The following PCDH15 variants were observed in gnomAD, a reference collection of about 807,000 sequenced individuals.
PCDH15 encodes protocadherin-15.
PCDH15 carries 129 observed loss-of-function variants against 178.5 expected under a neutral mutation model. The ratio of observed to expected loss-of-function variants is 0.72; its 90% confidence interval spans 0.63 to 0.84. The LOEUF (loss-of-function observed/expected upper bound fraction) is 0.84. Among genes scored for constraint, PCDH15 ranks in the 40% least tolerant of loss-of-function variants. The pLI is 0.00. For missense variants in PCDH15, 2,230 were observed against 2,099.9 expected (o/e 1.06, Z -1.21); for synonymous variants, 800 against 732.0 (o/e 1.09, Z -1.50).
chr10:54,554,214 C>T (rs945319864), intron 2 of PCDH15, among the ~76,000 whole-genome samples: 1 of 152,102 alleles, frequency 6.6e-6, no homozygotes, highest in South Asian at 2.1e-4. Flanking sequence ...CCCCTTACCT[C>T]CTGGATTACA....
At chr10:54,653,093 T>A (rs550285350) in intron 2 of PCDH15, among the ~76,000 whole-genome samples, 6 of 152,070 alleles carry the variant, frequency 3.9e-5, no homozygotes, top group Non-Finnish European at 8.8e-5. Flanking sequence ...ATGAGAGAGG[T>A]AGTACCATTT....
intron 2 of PCDH15, among the ~76,000 whole-genome samples, chr10:55,148,389 A>G (rs543688336): frequency 6.6e-6 from 1 of 151,938 alleles, no homozygotes; most frequent in Non-Finnish European, 1.5e-5. Context: ...ATTAAAGCTC[A>G]TTGACAAATT....
chr10:54,818,711 C>T (rs771291146), intron 3 of PCDH15, among the ~76,000 whole-genome samples: 2 of 151,896 alleles, frequency 1.3e-5, no homozygotes, highest in African/African-American at 2.4e-5. Context: ...ACCCCCTCCC[C>T]GAGTGTTTTT....
At chr10:55,359,139 G>T (rs1462987201) in intron 2 of PCDH15, among the ~76,000 whole-genome samples, 1 of 151,946 alleles carries the variant, frequency 6.6e-6, no homozygotes, top group Admixed American at 6.6e-5. Flanking sequence ...CTAAGCTGCT[G>T]TGAGTTAGGG....
intron 2 of PCDH15, chr10:54,599,760 G>A (rs2092437968): frequency 2.0e-6 from 1 of 501,372 alleles, no homozygotes; most frequent in Non-Finnish European, 3.7e-6. Context: ...TAAAAGATGA[G>A]GGTGATAAGT....
chr10:55,297,424 T>C (rs897462874), intron 1 of PCDH15, among the ~76,000 whole-genome samples: 2 of 152,146 alleles, frequency 1.3e-5, no homozygotes, highest in Non-Finnish European at 2.9e-5. Context: ...GATTTTCCTT[T>C]TCTCTATATT....
chr10:55,258,315 G>A (rs187898111), intron 1 of PCDH15, among the ~76,000 whole-genome samples: 1 of 152,306 alleles, frequency 6.6e-6, no homozygotes, highest in Admixed American at 6.5e-5. Flanking sequence ...CTAGAACTAG[G>A]TAAGTATTAA....
intron 26 of PCDH15, among the ~76,000 whole-genome samples, chr10:53,868,602 T>C (rs2079615170): frequency 6.6e-6 from 1 of 152,144 alleles, no homozygotes; most frequent in Admixed American, 6.5e-5. Context: ...AAAGACTACA[T>C]AATAAGTAGT....
chr10:55,395,585 A>C (rs1490369925), intron 2 of PCDH15, among the ~76,000 whole-genome samples: 1 of 152,214 alleles, frequency 6.6e-6, no homozygotes, highest in African/African-American at 2.4e-5. Context: ...TAATTTTTTA[A>C]GCCTATAGAA....
At chr10:53,843,012 C>T (rs1241973516) in intron 28 of PCDH15, among the ~76,000 whole-genome samples, 1 of 151,964 alleles carries the variant, frequency 6.6e-6, no homozygotes, top group Admixed American at 6.6e-5. Context: ...ATTTTCAGTG[C>T]AATACTGCAG....
intron 2 of PCDH15, among the ~76,000 whole-genome samples, chr10:54,913,600 C>T (rs909956680): frequency 6.6e-6 from 1 of 152,142 alleles, no homozygotes; most frequent in African/African-American, 2.4e-5. Flanking sequence ...AGAAGAGGGC[C>T]ATAGTCCTAA....
At chr10:54,495,965 G>A (rs770422446) in intron 3 of PCDH15, among the ~76,000 whole-genome samples, 15 of 152,118 alleles carry the variant, frequency 9.9e-5, no homozygotes, top group Non-Finnish European at 1.2e-4. Flanking sequence ...ATAGGACTCT[G>A]TTTCAGATAA....
chr10:55,450,622 T>C (rs544793413), intron 2 of PCDH15, among the ~76,000 whole-genome samples: 10 of 152,298 alleles, frequency 6.6e-5, no homozygotes, highest in African/African-American at 2.4e-4. Context: ...ATTGCAATTT[T>C]CAGTAGTTCT....
intron 2 of PCDH15, among the ~76,000 whole-genome samples, chr10:55,521,864 C>T (rs1387142372): frequency 6.6e-6 from 1 of 151,868 alleles, no homozygotes; most frequent in Non-Finnish European, 1.5e-5. Context: ...CTTACATTAG[C>T]ATGGAAGGCT....
chr10:53,814,858 G>C (rs1029931938), intron 35 of PCDH15, among the ~76,000 whole-genome samples: 41 of 152,048 alleles, frequency 2.7e-4, no homozygotes, highest in Middle Eastern at 3.4e-3. Context: ...CAGCTACTCG[G>C]GAGGCTGAGG....
chr10:55,151,569 C>T (rs1357585316), intron 2 of PCDH15, among the ~76,000 whole-genome samples: 1 of 151,968 alleles, frequency 6.6e-6, no homozygotes, highest in African/African-American at 2.4e-5. Flanking sequence ...TACCTTCAGA[C>T]CTTCAATAAG....
chr10:53,857,700 T>C (rs1366480947), intron 27 of PCDH15, among the ~76,000 whole-genome samples: 2 of 152,104 alleles, frequency 1.3e-5, no homozygotes. Flanking sequence ...AATAATTCAT[T>C]CTATGAGGTC....
At chr10:54,707,277 G>A (rs2132306900) in intron 1 of PCDH15, among the ~76,000 whole-genome samples, 1 of 152,188 alleles carries the variant, frequency 6.6e-6, no homozygotes, top group South Asian at 2.1e-4. Context: ...AGTTTCTTAG[G>A]AAAAATGAGT....
chr10:55,158,246 A>C (rs2132109715), intron 2 of PCDH15, among the ~76,000 whole-genome samples: 1 of 152,096 alleles, frequency 6.6e-6, no homozygotes, highest in South Asian at 2.1e-4. Context: ...TGAAAATGTT[A>C]TATGCAGCTA....
Sources: gnomAD v4.1 joint callset for allele counts (sites outside exome capture counted in the v4.1 genomes callset) on GRCh38, gnomAD v4.1.1 for gene constraint, MANE v1.5 for transcripts, NCBI Gene and HGNC (gene_info 2026-07-23, HGNC 2026-07-21) for gene names.